Variants in USP34 observed in about 807,000 individuals in gnomAD.
USP34 encodes ubiquitin carboxyl-terminal hydrolase 34.
A neutral mutation model predicts 460.3 loss-of-function variants in USP34; 70 were observed. The ratio of observed to expected loss-of-function variants is 0.15; its 90% CI spans 0.13 to 0.19. The LOEUF is 0.19. Ranked by LOEUF, USP34 falls within the 10% of genes least tolerant of loss-of-function variation. The pLI, the probability that USP34 is intolerant of heterozygous loss-of-function variation, is 1.00. For synonymous variants in USP34, 1,647 were observed against 1,405.3 expected, an observed-to-expected ratio of 1.17 and a Z score of -3.85; for missense variants, 3,985 against 4,236.2, an observed-to-expected ratio of 0.94 and a Z score of 1.65.
At chr2:61,469,807 G>A (rs1009484525) in intron 1 of USP34, among the ~76,000 whole-genome samples, 27 of 152,182 alleles carry the variant, frequency 1.8e-4, no homozygotes, top group African/African-American at 5.5e-4. Context: ...CCCAGAAGTA[G>A]TTGATTTGCA....
intron 1 of USP34, among the ~76,000 whole-genome samples, chr2:61,439,335 G>T (rs972552518): frequency 1.3e-5 from 2 of 152,144 alleles, no homozygotes; most frequent in Non-Finnish European, 2.9e-5. Flanking sequence ...GTGCTGGCAA[G>T]AACACTCAGG....
chr2:61,464,179 C>T (rs777427566), intron 1 of USP34, among the ~76,000 whole-genome samples: 11 of 152,200 alleles, frequency 7.2e-5, no homozygotes, highest in African/African-American at 2.2e-4. Flanking sequence ...ATTAGCTGGG[C>T]GTGGTGGCAG....
chr2:61,279,412 A>G, intron 39 of USP34, among the ~76,000 whole-genome samples: 1 of 152,196 alleles, frequency 6.6e-6, no homozygotes, highest in Admixed American at 6.5e-5. Flanking sequence ...TTAGTCGACT[A>G]AATTTATGTA....
chr2:61,211,852 A>G lies in USP34; in HGVS notation c.8760T>C (p.Asp2920=). 3 of 1,610,754 alleles carry G rather than the reference A, an allele frequency of 1.9e-6. No homozygotes were observed. Among genetic ancestry groups the G allele is most frequent in the Non-Finnish European group, 2.5e-6 (3 of 1,179,014 alleles). The change falls in exon 69 of 80, where the codon GAT becomes GAC. Residue 2920 remains aspartate, a synonymous_variant. Transcript: ENST00000398571. ...RPDMREEELE[D]IKQFKKTTIS... ...TGGTTGTTTTCTTGAACTGTTTAATATCTTCTAATTCTTCTTCTCTCATAT... is the reference window on the plus strand; with the variant it reads ...TGGTTGTTTTCTTGAACTGTTTAATGTCTTCTAATTCTTCTTCTCTCATAT...
intron 62 of USP34, 184 bp from the exon 63 acceptor site, chr2:61,223,480 A>T (rs1687646745): frequency 1.7e-6 from 1 of 597,926 alleles, no homozygotes; most frequent in Non-Finnish European, 2.9e-6. Flanking sequence ...ACATTCCAGG[A>T]TTGGTAAATG....
intron 1 of USP34, 97 bp downstream of exon 1, chr2:61,470,553 G>T: frequency 1.2e-6 from 1 of 809,594 alleles, no homozygotes; most frequent in Middle Eastern, 2.9e-4. Context: ...CGGCCCGGCC[G>T]TCGCCTCCCG....
chr2:61,396,048 C>A (rs1431298497), intron 3 of USP34, among the ~76,000 whole-genome samples: 1 of 146,794 alleles, frequency 6.8e-6, no homozygotes. Flanking sequence ...CAGAGCAAAA[C>A]TGTCTCAAAA....
At chr2:61,226,952 AT>A in intron 62 of USP34, 114 bp downstream of exon 62, 1 of 1,190,968 alleles carries the variant, frequency 8.4e-7, no homozygotes, top group Non-Finnish European at 1.1e-6. Flanking sequence ...GTGAATAACA[AT>A]TACATAATTA....
intron 5 of USP34, among the ~76,000 whole-genome samples, chr2:61,388,567 T>A (rs1693240837): frequency 1.3e-5 from 2 of 150,932 alleles, no homozygotes; most frequent in Admixed American, 1.3e-4. Context: ...CCATCCTAGC[T>A]AACACGGTGA....
chr2:61,470,059 T>C (rs1695901987), intron 1 of USP34, among the ~76,000 whole-genome samples: 1 of 152,236 alleles, frequency 6.6e-6, no homozygotes, highest in African/African-American at 2.4e-5. Context: ...AACAAATTTA[T>C]TTTAAAAATA....
At position 61,378,237 on chromosome 2, in the gene USP34, C is replaced by G. The variant is rs55730234; in HGVS notation, c.1076+126G>C. ...AATGTTCTGAAAGCTTCATGAAGAACTGTACACAATGTCAAAGGGCAAAGA... is the reference window on the plus strand; with the variant it reads ...AATGTTCTGAAAGCTTCATGAAGAAGTGTACACAATGTCAAAGGGCAAAGA... On this transcript the variant is annotated intron_variant, in intron 8 of 79. Coordinates refer to ENST00000398571, the MANE Select transcript of USP34 (RefSeq NM_014709.4). 7.4e-3 allele frequency: 4,785 copies of G among 648,226 alleles called. 195 individuals are homozygous for G. The African/African-American group carries it at 0.084, about 11-fold the overall frequency. The allele number at this position is 648,226 out of a possible 1,614,324, so 40.2% of individuals were successfully genotyped here. A position where few individuals can be genotyped will look rare whatever the true frequency, so the allele number is the denominator to read the frequency against.
chr2:61,417,227 G>C, intron 2 of USP34: 8 of 1,451,828 alleles, frequency 5.5e-6, no homozygotes, highest in Non-Finnish European at 7.6e-6. Context: ...TCAGAAACAC[G>C]AACATACATC....
At chr2:61,279,792 T>A (rs1689481345) in intron 39 of USP34, among the ~76,000 whole-genome samples, 1 of 152,224 alleles carries the variant, frequency 6.6e-6, no homozygotes, top group Non-Finnish European at 1.5e-5. Context: ...AACATTACTT[T>A]GTTTGAATGG....
chr2:61,303,990 T>C (rs1007132009), intron 27 of USP34, among the ~76,000 whole-genome samples: 6 of 152,186 alleles, frequency 3.9e-5, no homozygotes, highest in African/African-American at 1.4e-4. Flanking sequence ...CTCCACCTCC[T>C]GGGCTTAAGC....
chr2:61,311,811 T>C lies in USP34; in HGVS notation c.3642A>G (p.Val1214=), dbSNP rs1272164692. 1.9e-6 allele frequency: 3 copies of C among 1,613,920 alleles called. No individual in the cohort carries two copies. Among genetic ancestry groups the C allele is most frequent in the Non-Finnish European group, 1.7e-6 (2 of 1,179,964 alleles). The change falls in exon 26 of 80, where the codon GTA becomes GTG. Residue 1214 remains valine (V), a synonymous_variant. Coordinates refer to ENST00000398571, the MANE Select transcript of USP34 (RefSeq NM_014709.4). The part of the protein sequence containing the change: ...SDKQSLPLRV[V]CQPAGLPDKM... ...TGTCAGGAAGTCCAGCTGGCTGGCA[T>C]ACAACCCTTAGCGGCAGAGACTGTT...
chr2:61,297,031 G>T (rs1572909785), intron 29 of USP34, 106 bp from the exon 30 acceptor site: 1 of 1,417,582 alleles, frequency 7.1e-7, no homozygotes, highest in Non-Finnish European at 9.4e-7. Flanking sequence ...ATAGTTTTTA[G>T]CCTCACTTTT....
intron 78 of USP34, 76 bp from the exon 79 acceptor site, chr2:61,189,145 A>G (rs1686542117): frequency 6.9e-7 from 1 of 1,444,238 alleles, no homozygotes; most frequent in Non-Finnish European, 9.4e-7. Context: ...TTAATTGCAG[A>G]TGTTTATTTT....
At chr2:61,305,065 C>T (rs1690359791) in intron 27 of USP34, among the ~76,000 whole-genome samples, 2 of 152,096 alleles carry the variant, frequency 1.3e-5, no homozygotes, top group Admixed American at 1.3e-4. Flanking sequence ...GTGGCTCACG[C>T]CTGTAATCCC....
chr2:61,436,823 G>GA (rs904911986), intron 1 of USP34, among the ~76,000 whole-genome samples: 9 of 152,000 alleles, frequency 5.9e-5, no homozygotes, highest in Admixed American at 3.9e-4. Context: ...TAAAATAACT[G>GA]AAAAAATCAT....
Sources: gnomAD v4.1 joint callset for allele counts (sites outside exome capture counted in the v4.1 genomes callset) on GRCh38, gnomAD v4.1.1 for gene constraint, MANE v1.5 for transcripts, NCBI Gene and HGNC (gene_info 2026-07-23, HGNC 2026-07-21) for gene names.